Variants in CIC observed in about 807,000 individuals in gnomAD.
CIC encodes the protein protein capicua homolog.
A neutral mutation model predicts 115.7 loss-of-function variants in CIC; 18 were observed. The observed-to-expected ratio is 0.16, with a 90% CI of 0.11 to 0.23. CIC has a LOEUF of 0.23. CIC is among the 10% of genes least tolerant of loss of function. CIC has a pLI of 1.00. For missense variants in CIC, 2,000 were observed against 2,159.3 expected (o/e 0.93, Z 1.46); for synonymous variants, 1,076 against 923.0 (o/e 1.17, Z -3.01).
Position 42,290,697 on chromosome 19 carries a change from C to T in CIC, c.4656C>T (p.Gly1552=), listed in dbSNP as rs754026183. 53 of 1,612,764 alleles carry T rather than the reference C, an allele frequency of 3.3e-5. 1 individual carries two copies. Among genetic ancestry groups the T allele is most frequent in the African/African-American group, 1.6e-4 (12 of 74,906 alleles). ...LPPNKEEQEG[G]GARVPSAPAP... ...CAAACAAGGAGGAGCAAGAGGGCGG[C>T]GGAGCCAGAGTGCCCTCCGCCCCCG... The change falls in exon 11 of 21, where the codon GGC becomes GGT. Residue 1552 remains glycine, a synonymous_variant. Transcript: ENST00000681038.
rs2036820325 is a variant in CIC, at chr19:42,272,339, G to A, written c.556G>A (p.Gly186Ser). 2 of 398,556 alleles carry A rather than the reference G, an allele frequency of 5.0e-6. No individual in the cohort carries two copies. The highest frequency in any genetic ancestry group is 8.9e-6 in the Non-Finnish European group (2 of 225,986). 24.7% of individuals were successfully genotyped at this position (398,556 alleles called of 1,614,324 possible). A position where few individuals can be genotyped will look rare whatever the true frequency, so the allele number is the denominator to read the frequency against. Residue 186 changes from glycine (G) to serine (S), a missense_variant, in exon 2 of 21, where the codon GGC becomes AGC. This residue lies in a region of CIC where 222 missense variants were observed against 247.7 expected (regional missense o/e 0.90). Transcript: ENST00000681038. ...TGAGCCGGCTGAGGCTTGTGGTCCAGGCCCTTGGCCCCCTGGCAGCACCAG... is the reference window on the plus strand; with the variant it reads ...TGAGCCGGCTGAGGCTTGTGGTCCAAGCCCTTGGCCCCCTGGCAGCACCAG... The part of the protein sequence containing the change: ...EDEPAEACGP[G>S]PWPPGSTSGS...
chr19:42,291,180 G>T lies in CIC; in HGVS notation c.5139G>T (p.Gly1713=), dbSNP rs1323257499. Reference sequence around the variant, plus strand: ...CAGGTGCTGGGAGTGGCCCCAATGGGCCAGTACCCCTGGGCATCCTGCAAC... The same window carrying T: ...CAGGTGCTGGGAGTGGCCCCAATGGTCCAGTACCCCTGGGCATCCTGCAAC... ...SGAGAGSGPN[G]PVPLGILQPG... is the part of the protein sequence containing the mutation. The change falls in exon 11 of 21, where the codon GGG becomes GGT. Residue 1713 remains glycine (G), a synonymous_variant. Coordinates refer to ENST00000681038, the MANE Select transcript of CIC (RefSeq NM_001386298.1). The T allele has an allele frequency of 6.2e-7, 1 of 1,609,698 alleles. No individual in the cohort carries two copies.
In CIC at chr19:42,290,861, A is replaced by C; in HGVS notation, c.4820A>C (p.Glu1607Ala). 1 of 1,612,120 alleles carries C rather than the reference A, an allele frequency of 6.2e-7. No homozygotes were observed. The highest frequency in any genetic ancestry group is 8.5e-7 in the Non-Finnish European group (1 of 1,179,430). Residue 1607 changes from glutamate to alanine, a missense_variant, in exon 11 of 21, where the codon GAG becomes GCG. By Grantham distance (107) the Glu-to-Ala change is moderately radical. This residue lies in a region of CIC where 1,466 missense variants were observed against 1,390.4 expected (regional missense o/e 1.05). Coordinates refer to ENST00000681038, the MANE Select transcript of CIC (RefSeq NM_001386298.1). Reference protein sequence around the residue: ...SKPFPTSGRAEASPNDTAGAR... With the variant: ...SKPFPTSGRAAASPNDTAGAR... ...CCCTTCCCCACCTCTGGCCGGGCTGAGGCGTCTCCAAATGACACAGCAGGT... is the reference window on the plus strand; with the variant it reads ...CCCTTCCCCACCTCTGGCCGGGCTGCGGCGTCTCCAAATGACACAGCAGGT...
In CIC at chr19:42,294,013, C is replaced by T. The variant is rs2147339958; in HGVS notation, c.6846C>T (p.Ser2282=). Reference sequence around the variant, plus strand: ...TTCGGCCTGAGGAGGTGCTGCCCTCCCCCACCCTGCAGTCTCTGGCCACCT... The same window carrying T: ...TTCGGCCTGAGGAGGTGCTGCCCTCTCCCACCCTGCAGTCTCTGGCCACCT... ...PEFRPEEVLP[S]PTLQSLATSP... is the part of the protein sequence containing the mutation. Residue 2282 remains serine (S), a synonymous_variant, in exon 18 of 21, where the codon TCC becomes TCT. Coordinates refer to ENST00000681038, the MANE Select transcript of CIC (RefSeq NM_001386298.1). 2 of 1,613,598 alleles carry T rather than the reference C, an allele frequency of 1.2e-6. No individual in the cohort carries two copies. The highest frequency in any genetic ancestry group is 8.5e-7 in the Non-Finnish European group (1 of 1,179,996).
At position 42,272,515 on chromosome 19, in the gene CIC, G is replaced by C. The variant is rs2036827012; in HGVS notation, c.732G>C (p.Glu244Asp). The C allele has an allele frequency of 2.5e-6, 1 of 398,510 alleles. No individual in the cohort carries two copies. The highest frequency in any genetic ancestry group is 4.4e-6 in the Non-Finnish European group (1 of 226,066). 24.7% of individuals were successfully genotyped at this position (398,510 alleles called of 1,614,324 possible). A position where few individuals can be genotyped will look rare whatever the true frequency, so the allele number is the denominator to read the frequency against. The change falls in exon 2 of 21, where the codon GAG becomes GAC. Residue 244 changes from glutamate (E) to aspartate (D), a missense_variant. By Grantham distance (45) the Glu-to-Asp change is conservative. Coordinates refer to ENST00000681038, the MANE Select transcript of CIC (RefSeq NM_001386298.1). ...GTGACCGAGCCCTGACTTTCTATGA[G>C]GGGGTGCCAGGCGCTGGTGTGGATG... ...FPGDRALTFY[E>D]GVPGAGVDVV...
intron 2 of CIC, among the ~76,000 whole-genome samples, chr19:42,282,727 G>A (rs774917219): frequency 2.0e-5 from 3 of 152,182 alleles, no homozygotes; most frequent in Non-Finnish European, 2.9e-5. Flanking sequence ...CAATCTCTGA[G>A]GCTCATTTTT....
rs768750975 is a variant in CIC at position 42,290,400 on chromosome 19, C to T, written c.4359C>T (p.Ala1453=). The change falls in exon 11 of 21, where the codon GCC becomes GCT. Residue 1453 remains alanine (A), a synonymous_variant. Coordinates refer to ENST00000681038, the MANE Select transcript of CIC (RefSeq NM_001386298.1). ...CGTCCTCGCCTGCTTCCTCCTCAGC[C>T]TCGGCAGCCACCTCCTTCTCACTGG... ...SSASSPASSS[A]SAATSFSLGS... 1.1e-5 allele frequency: 18 copies of T among 1,614,004 alleles called. No homozygotes were observed. Among genetic ancestry groups the T allele is most frequent in the African/African-American group, 5.3e-5 (4 of 74,908 alleles).
rs994708612 is a variant in CIC at position 42,287,027 on chromosome 19, T to C, written c.2966T>C (p.Val989Ala). The part of the protein sequence containing the change: ...QSKEPAESAA[V>A]AHERPPGGTG... Reference sequence around the variant, plus strand: ...CCAGAACCTGCTGAGTCGGCAGCTGTTGCTCATGAACGGCCACCAGGTGGG... The same window carrying C: ...CCAGAACCTGCTGAGTCGGCAGCTGCTGCTCATGAACGGCCACCAGGTGGG... Residue 989 changes from valine (V) to alanine (A), a missense_variant, in exon 4 of 21, where the codon GTT (valine) becomes GCT (alanine). By Grantham distance (64) the Val-to-Ala change is moderately conservative (BLOSUM62 0). Coordinates refer to ENST00000681038, the MANE Select transcript of CIC (RefSeq NM_001386298.1). This position sits in a 1 kb window ranked among gnomAD's most constrained non-coding sequence, Gnocchi z 8.7. 5.6e-5 allele frequency: 91 copies of C among 1,610,828 alleles called. No individual in the cohort carries two copies. Among genetic ancestry groups the C allele is most frequent in the Non-Finnish European group, 7.6e-5 (90 of 1,179,960 alleles).
chr19:42,281,635 A>G (rs1018800006), intron 2 of CIC, among the ~76,000 whole-genome samples: 1 of 151,914 alleles, frequency 6.6e-6, no homozygotes, highest in Non-Finnish European at 1.5e-5. Context: ...CTCCTAATCC[A>G]CCCCCACCCA....
At chr19:42,269,735 A>C (rs559835357) in intron 1 of CIC, among the ~76,000 whole-genome samples, 10 of 134,318 alleles carry the variant, frequency 7.4e-5, no homozygotes, top group Admixed American at 1.6e-4. Flanking sequence ...AATAGGTGAC[A>C]GAGATAAATG....
intron 2 of CIC, chr19:42,284,746 G>A: frequency 3.2e-6 from 5 of 1,556,308 alleles, no homozygotes; most frequent in Non-Finnish European, 4.3e-6. Context: ...CGTCCAGCGC[G>A]GCCTCCCGTG....
At chr19:42,283,174 G>C (rs2037342262) in intron 2 of CIC, among the ~76,000 whole-genome samples, 1 of 152,124 alleles carries the variant, frequency 6.6e-6, no homozygotes, top group Admixed American at 6.5e-5. Flanking sequence ...GTGAGTGCTA[G>C]GAAGGCTGTG....
rs759616661 is a variant in CIC at position 42,291,372 on chromosome 19, G to A, written c.5331G>A (p.Pro1777=). 3.7e-6 allele frequency: 6 copies of A among 1,612,250 alleles called. No individual in the cohort carries two copies. Among genetic ancestry groups the A allele is most frequent in the South Asian group, 1.1e-5 (1 of 91,020 alleles). Reference sequence around the variant, plus strand: ...CCAGCATCCGTTTCACCCTCCCACCGGGCACTTCCACCAACGGCAAAGTCC... The same window carrying A: ...CCAGCATCCGTTTCACCCTCCCACCAGGCACTTCCACCAACGGCAAAGTCC... ...PTTSIRFTLP[P]GTSTNGKVLA... The change falls in exon 11 of 21, where the codon CCG becomes CCA. Residue 1777 remains proline, a synonymous_variant. Transcript: ENST00000681038.
At position 42,291,044 on chromosome 19, in the gene CIC, C is replaced by T; in HGVS notation, c.5003C>T (p.Thr1668Ile). Residue 1668 changes from threonine (T) to isoleucine (I), a missense_variant, in exon 11 of 21, where the codon ACT (threonine) becomes ATT (isoleucine). By Grantham distance (89) the Thr-to-Ile change is moderately conservative. Coordinates refer to ENST00000681038, the MANE Select transcript of CIC (RefSeq NM_001386298.1). ...GGCACTGTGGGGAAGGCGCCTGCCA[C>T]TGTCACTAACCTACTGGTGGGCACC... ...LLGTVGKAPA[T>I]VTNLLVGTPG... is the part of the protein sequence containing the mutation. The T allele has an allele frequency of 6.2e-7, 1 of 1,613,984 alleles. No individual in the cohort carries two copies. The highest frequency in any genetic ancestry group is 8.5e-7 in the Non-Finnish European group (1 of 1,179,980).
Position 42,291,030 on chromosome 19 carries a change from G to A in CIC, c.4989G>A (p.Gly1663=), listed in dbSNP as rs755890438. ...LVAGPLLGTV[G]KAPATVTNLL... Reference sequence around the variant, plus strand: ...CTGGACCCCTGCTGGGCACTGTGGGGAAGGCGCCTGCCACTGTCACTAACC... The same window carrying A: ...CTGGACCCCTGCTGGGCACTGTGGGAAAGGCGCCTGCCACTGTCACTAACC... The change falls in exon 11 of 21, where the codon GGG becomes GGA. Residue 1663 remains glycine (G), a synonymous_variant. Coordinates refer to ENST00000681038, the MANE Select transcript of CIC (RefSeq NM_001386298.1). 6.2e-7 allele frequency: 1 copy of A among 1,613,460 alleles called. No individual in the cohort carries two copies. The highest frequency in any genetic ancestry group is 8.5e-7 in the Non-Finnish European group (1 of 1,179,896).
At chr19:42,290,122 G>A (rs1236433410) in intron 10 of CIC, 111 bp from the exon 11 acceptor site, 6 of 1,520,828 alleles carry the variant, frequency 3.9e-6, no homozygotes, top group Admixed American at 1.7e-5. Flanking sequence ...CAGCTGGCAG[G>A]GGTGCAGCCC....
At chr19:42,277,277 T>C (rs534959274) in intron 2 of CIC, among the ~76,000 whole-genome samples, 1 of 152,308 alleles carries the variant, frequency 6.6e-6, no homozygotes, top group East Asian at 1.9e-4. Flanking sequence ...TCACCCAGGC[T>C]GCAGTGCAGT....
Position 42,294,109 on chromosome 19 carries a change from C to T in CIC, c.6922+20C>T. On this transcript the variant is annotated intron_variant, in intron 18 of 20. Coordinates refer to ENST00000681038, the MANE Select transcript of CIC (RefSeq NM_001386298.1). ...CCACGGGTAGGCGAGCATTGGGCACCCAGGGTCCTTAGGTGGAGGGCAGAC... is the reference window on the plus strand; with the variant it reads ...CCACGGGTAGGCGAGCATTGGGCACTCAGGGTCCTTAGGTGGAGGGCAGAC... 1 of 1,613,706 alleles carries T rather than the reference C, an allele frequency of 6.2e-7. No homozygotes were observed. Among genetic ancestry groups the T allele is most frequent in the Non-Finnish European group, 8.5e-7 (1 of 1,180,006 alleles).
rs772813226 is a variant in CIC at position 42,294,175 on chromosome 19, C to T, written c.6925C>T (p.Leu2309=). 4 of 1,613,788 alleles carry T rather than the reference C, an allele frequency of 2.5e-6. No homozygotes were observed. The highest frequency in any genetic ancestry group is 3.4e-6 in the Non-Finnish European group (4 of 1,180,030). The change falls in exon 19 of 21, where the codon CTG becomes TTG. Residue 2309 remains leucine, a splice_region_variant and synonymous_variant. Transcript: ENST00000681038. ...TGAGTCTGCTTCTGTTTGGCCAGAC[C>T]TGGATTCAGCACCCGAGGACCCCAC... ...YRKKRKNSTD[L]DSAPEDPTSP...
Sources: allele counts gnomAD v4.1 joint callset (sites outside exome capture counted in the v4.1 genomes callset), GRCh38; gene constraint gnomAD v4.1.1; regional missense constraint gnomAD v4.1.1; non-coding constraint Gnocchi (gnomAD v3.1); transcripts MANE v1.5; gene names NCBI Gene and HGNC (gene_info 2026-07-23, HGNC 2026-07-21).